Variants in SOX5 observed in about 807,000 individuals in gnomAD.
The protein encoded by SOX5 is SRY-box transcription factor 5, also known as transcription factor SOX-5.
SOX5 carries 9 observed loss-of-function variants against 92.0 expected under a neutral mutation model. The ratio of observed to expected loss-of-function variants is 0.10; its 90% CI spans 0.06 to 0.17. SOX5 has a LOEUF of 0.17. Ranked by LOEUF, SOX5 falls within the 10% of genes least tolerant of loss-of-function variation. SOX5 has a pLI of 1.00. For synonymous variants in SOX5, 344 were observed against 336.3 expected (o/e 1.02, Z -0.25); for missense variants, 642 against 944.5 (o/e 0.68, Z 4.20).
At chr12:23,622,858 G>C (rs1592676713) in intron 8 of SOX5, among the ~76,000 whole-genome samples, 1 of 152,164 alleles carries the variant, frequency 6.6e-6, no homozygotes, top group East Asian at 1.9e-4. Flanking sequence ...ACGAAATTCA[G>C]ATAAACTCAT....
intron 3 of SOX5, among the ~76,000 whole-genome samples, chr12:23,757,197 C>T (rs1013513393): frequency 2.0e-5 from 3 of 151,712 alleles, no homozygotes; most frequent in Non-Finnish European, 4.4e-5. Flanking sequence ...CATTTACCTA[C>T]GGAATGAATT....
intron 4 of SOX5, among the ~76,000 whole-genome samples, chr12:23,997,857 C>T (rs771538886): frequency 1.3e-5 from 2 of 152,166 alleles, no homozygotes; most frequent in African/African-American, 4.8e-5. Context: ...TAGGCAGAGA[C>T]ATCAGTTATA....
At chr12:24,361,201 G>T (rs561844763) in intron 2 of SOX5, among the ~76,000 whole-genome samples, 1 of 152,166 alleles carries the variant, frequency 6.6e-6, no homozygotes, top group Non-Finnish European at 1.5e-5. Flanking sequence ...GAAATTACAT[G>T]ACCATTACAA....
At chr12:23,550,978 T>C (rs887157814) in intron 11 of SOX5, among the ~76,000 whole-genome samples, 1 of 151,988 alleles carries the variant, frequency 6.6e-6, no homozygotes, top group Non-Finnish European at 1.5e-5. Flanking sequence ...GAAACTGGGA[T>C]TCAGCTAAGT....
intron 4 of SOX5, among the ~76,000 whole-genome samples, chr12:24,124,651 T>C (rs1947308111): frequency 1.3e-5 from 2 of 152,232 alleles, no homozygotes; most frequent in Admixed American, 1.3e-4. Flanking sequence ...CAAGAATCTT[T>C]TACTTTGAAA....
chr12:24,545,787 A>G (rs554931554), intron 1 of SOX5, among the ~76,000 whole-genome samples: 1 of 152,288 alleles, frequency 6.6e-6, no homozygotes, highest in African/African-American at 2.4e-5. Flanking sequence ...GCCCTAGCTT[A>G]GAGTTGTGGC....
At chr12:24,399,137 C>T (rs1051994078) in intron 1 of SOX5, among the ~76,000 whole-genome samples, 1 of 152,068 alleles carries the variant, frequency 6.6e-6, no homozygotes, top group Non-Finnish European at 1.5e-5. Flanking sequence ...AGTCGAAGCA[C>T]TGGTCTTACA....
intron 8 of SOX5, among the ~76,000 whole-genome samples, chr12:23,630,346 G>T (rs1307783779): frequency 6.6e-6 from 1 of 151,896 alleles, no homozygotes; most frequent in Non-Finnish European, 1.5e-5. Flanking sequence ...TGCCCAGATT[G>T]TCTTCTGGAT....
At chr12:23,605,122 A>G (rs12312933) in intron 8 of SOX5, among the ~76,000 whole-genome samples, 1 of 152,180 alleles carries the variant, frequency 6.6e-6, no homozygotes, top group African/African-American at 2.4e-5. Context: ...ACTTTACTTC[A>G]TGATATGTAA....
intron 4 of SOX5, among the ~76,000 whole-genome samples, chr12:24,108,635 C>T (rs1946966483): frequency 6.6e-6 from 1 of 152,192 alleles, no homozygotes; most frequent in African/African-American, 2.4e-5. Context: ...GTGGAATAGA[C>T]ATTTGTTTTA....
In SOX5 at chr12:23,546,437, T is replaced by C; in HGVS notation, c.1489-13A>G. On this transcript the variant is annotated splice_polypyrimidine_tract_variant and intron_variant, in intron 11 of 14. Transcript: ENST00000451604. The stretch of plus-strand genomic sequence containing the variant: ...GTGTTGTTTTTTCCTTTAAAAAAAT[T>C]ATAATGAGAGATCAGTCTAGGAATT... 1.4e-6 allele frequency: 2 copies of C among 1,409,742 alleles called. No homozygotes were observed. The highest frequency in any genetic ancestry group is 2.3e-5 in the South Asian group (2 of 85,536). 87.3% of individuals were successfully genotyped at this position (1,409,742 alleles called of 1,614,324 possible). A position where few individuals can be genotyped will look rare whatever the true frequency, so the allele number is the denominator to read the frequency against.
chr12:24,424,477 T>C (rs1966402694), intron 1 of SOX5, among the ~76,000 whole-genome samples: 1 of 152,118 alleles, frequency 6.6e-6, no homozygotes, highest in South Asian at 2.1e-4. Flanking sequence ...TACTAGTGTT[T>C]AAACAAGCAC....
At chr12:23,637,949 G>C (rs980950903) in intron 8 of SOX5, 18 of 152,294 alleles carry the variant, frequency 1.2e-4, no homozygotes, top group African/African-American at 4.3e-4. Context: ...AGCTCTAACA[G>C]GGCACAGAAG....
chr12:24,157,251 C>T (rs1157769833), intron 4 of SOX5, among the ~76,000 whole-genome samples: 1 of 151,910 alleles, frequency 6.6e-6, no homozygotes, highest in Admixed American at 6.6e-5. Context: ...AATATAAATC[C>T]AAAACATTAA....
chr12:24,425,217 C>T (rs950072152), intron 1 of SOX5, among the ~76,000 whole-genome samples: 2 of 152,142 alleles, frequency 1.3e-5, no homozygotes, highest in Non-Finnish European at 2.9e-5. Flanking sequence ...ATGTCTTCTT[C>T]GTGATGTTAT....
At chr12:23,643,867 G>C (rs545483206) in intron 7 of SOX5, among the ~76,000 whole-genome samples, 1 of 152,100 alleles carries the variant, frequency 6.6e-6, no homozygotes, top group South Asian at 2.1e-4. Flanking sequence ...GTAGACCCTC[G>C]CTTTTCAATG....
At chr12:23,611,038 G>C (rs1302149340) in intron 8 of SOX5, among the ~76,000 whole-genome samples, 1 of 152,140 alleles carries the variant, frequency 6.6e-6, no homozygotes, top group East Asian at 1.9e-4. Context: ...AAGATATTTA[G>C]TAGGAGTTAC....
chr12:24,477,385 C>T (rs867858530), intron 1 of SOX5, among the ~76,000 whole-genome samples: 79 of 152,050 alleles, frequency 5.2e-4, no homozygotes, highest in African/African-American at 1.8e-3. Context: ...CCACCCACCT[C>T]GGCCTCCCAA....
At chr12:23,956,950 G>A (rs1223660202) in intron 4 of SOX5, among the ~76,000 whole-genome samples, 2 of 150,218 alleles carry the variant, frequency 1.3e-5, no homozygotes, top group Non-Finnish European at 2.9e-5. Flanking sequence ...TTACAGGCAT[G>A]AGCCACCATG....
Sources: gnomAD v4.1 joint callset for allele counts (sites outside exome capture counted in the v4.1 genomes callset) on GRCh38, gnomAD v4.1.1 for gene constraint, MANE v1.5 for transcripts, NCBI Gene and HGNC (gene_info 2026-07-23, HGNC 2026-07-21) for gene names.